The following HSPG2 variants were observed in gnomAD, a reference collection of about 807,000 sequenced individuals.
HSPG2 encodes basement membrane-specific heparan sulfate proteoglycan core protein.
Under a neutral mutation model 526.6 loss-of-function variants are expected in HSPG2, and 278 were observed. That is an observed-to-expected ratio of 0.53 (90% confidence interval 0.48 to 0.58). The LOEUF is 0.58. Ranked by LOEUF, HSPG2 falls within the 20% of genes least tolerant of loss-of-function variation. HSPG2 has a pLI of 0.00. For missense variants in HSPG2, 5,354 were observed against 6,099.5 expected (o/e 0.88, Z 4.07); for synonymous variants, 2,465 against 2,555.4 (o/e 0.96, Z 1.07).
At chr1:21,923,534 C>T (rs1366141842) in intron 1 of HSPG2, among the ~76,000 whole-genome samples, 1 of 152,234 alleles carries the variant, frequency 6.6e-6, no homozygotes. Flanking sequence ...TGGGCCCTCC[C>T]CCTGCCCTCA....
rs10917054 is a variant in HSPG2, at chr1:21,840,149, T to C, written c.9514-132A>G. The C allele has an allele frequency of 0.017, 12,449 of 736,776 alleles. 1,031 individuals are homozygous for C. In the African/African-American group the frequency reaches 0.19, roughly 11 times the overall value. The allele number at this position is 736,776 out of a possible 1,614,324, so 45.6% of individuals were successfully genotyped here. A position where few individuals can be genotyped will look rare whatever the true frequency, so the allele number is the denominator to read the frequency against. On this transcript the variant is annotated intron_variant, in intron 71 of 96. Transcript: ENST00000374695. ...CTATTTATTTACTTATTTATATATT[T>C]ATTTTTTGAGACAGGGTCTTACTCT...
In HSPG2 at chr1:21,847,061, G is replaced by A. The variant is rs35286527; in HGVS notation, c.8164+293C>T. On this transcript the variant is annotated intron_variant, in intron 62 of 96. Transcript: ENST00000374695. The surrounding 1 kb of genome is among the most constrained non-coding windows in gnomAD (Gnocchi z 4.1). Reference sequence around the variant, plus strand: ...AAAGCACTTCTGGCATGCCAGGCACGCTCTAAGCACATTACATGCACTAAC... The same window carrying A: ...AAAGCACTTCTGGCATGCCAGGCACACTCTAAGCACATTACATGCACTAAC... Among the ~76,000 whole-genome samples the A allele has an allele frequency of 0.041, 6,169 of 152,038 alleles. 180 individuals carry two copies. The highest frequency in any genetic ancestry group is 0.11 in the South Asian group (507 of 4,804).
Position 21,852,769 on chromosome 1 carries a change from G to T in HSPG2, c.6655C>A (p.His2219Asn). ...AGGGGGCCGGAGGTGCCCACCACAT[G>T]GCACACATACTCGCCTGAGTCGGCC... The part of the protein sequence containing the change: ...TPADSGEYVC[H>N]VVGTSGPLEA... Residue 2219 changes from histidine (H) to asparagine (N), a missense_variant, in exon 52 of 97, where the codon CAT becomes AAT. Transcript: ENST00000374695. The T allele has an allele frequency of 6.2e-7, 1 of 1,613,324 alleles. No individual in the cohort carries two copies. Among genetic ancestry groups the T allele is most frequent in the Non-Finnish European group, 8.5e-7 (1 of 1,180,008 alleles).
chr1:21,860,202 C>T lies in HSPG2; in HGVS notation c.4989G>A (p.Val1663=). The change falls in exon 40 of 97, where the codon GTG becomes GTA. Residue 1663 remains valine, a synonymous_variant. Coordinates refer to ENST00000374695, the MANE Select transcript of HSPG2 (RefSeq NM_005529.7). ...TCTCTGGCAGGCACTGGCCCCCTTG[C>T]ACACTGGGGTTACCCACGTAACCTG... ...CGPGYVGNPS[V]QGGQCLPETN... 1.2e-6 allele frequency: 2 copies of T among 1,613,812 alleles called. No homozygotes were observed. The highest frequency in any genetic ancestry group is 1.7e-6 in the Non-Finnish European group (2 of 1,179,966).
Position 21,859,565 on chromosome 1 carries a change from C to A in HSPG2, c.5293+1G>T. ...TGGTTACAGGGGGCGTAGGGACTCA[C>A]CAGTGACCAGCAGCTCTGCCCGGCT... is the stretch of plus-strand genomic sequence containing the variant. On this transcript the variant is annotated splice_donor_variant, in intron 42 of 96. Coordinates refer to ENST00000374695, the MANE Select transcript of HSPG2 (RefSeq NM_005529.7). LOFTEE classifies it high-confidence loss of function. The surrounding 1 kb of genome is among the most constrained non-coding windows in gnomAD (Gnocchi z 5.3). The A allele has an allele frequency of 6.3e-7, 1 of 1,586,954 alleles. No homozygotes were observed. Among genetic ancestry groups the A allele is most frequent in the Non-Finnish European group, 8.6e-7 (1 of 1,165,516 alleles).
chr1:21,898,809 G>A lies in HSPG2; in HGVS notation c.64-2499C>T, dbSNP rs1336181300. ...CCCCTCTCATTGCAACCAAGGTTAT[G>A]GAGGGCATGCCTGGAGCACTGCGAC... is the stretch of plus-strand genomic sequence containing the variant. On this transcript the variant is annotated intron_variant, in intron 1 of 96. Coordinates refer to ENST00000374695, the MANE Select transcript of HSPG2 (RefSeq NM_005529.7). The surrounding 1 kb of genome is among the most constrained non-coding windows in gnomAD (Gnocchi z 4.0). 6.6e-6 allele frequency among the ~76,000 whole-genome samples: 1 copy of A among 152,224 alleles called. No individual in the cohort carries two copies. Among genetic ancestry groups the A allele is most frequent in the Non-Finnish European group, 1.5e-5 (1 of 68,032 alleles).
intron 91 of HSPG2, among the ~76,000 whole-genome samples, chr1:21,827,531 G>A (rs1368503949): frequency 6.6e-6 from 1 of 152,164 alleles, no homozygotes; most frequent in Non-Finnish European, 1.5e-5. Context: ...TTCAGTAGAC[G>A]GTGGAATTCT....
At chr1:21,877,270 C>A (rs1021825374) in intron 21 of HSPG2, among the ~76,000 whole-genome samples, 1 of 151,992 alleles carries the variant, frequency 6.6e-6, no homozygotes, top group East Asian at 1.9e-4. Context: ...GAGTGTTTCA[C>A]GCACTGTTCT....
At chr1:21,876,958 C>G (rs1208555967) in intron 21 of HSPG2, among the ~76,000 whole-genome samples, 1 of 149,134 alleles carries the variant, frequency 6.7e-6, no homozygotes, top group Non-Finnish European at 1.5e-5. Flanking sequence ...ACTCAGGAGG[C>G]TGAGGAAGGA....
Position 21,855,316 on chromosome 1 carries a change from G to T in HSPG2, c.5985C>A (p.Ser1995Arg). Residue 1995 changes from serine (S) to arginine (R), a missense_variant, in exon 47 of 97, where the codon AGC becomes AGA. By Grantham distance (110) the Ser-to-Arg change is moderately radical (BLOSUM62 -1). Transcript: ENST00000374695. ...ATITWRKEGG[S>R]LPPQARSERT... ...CCCATCTCCTCACCTGTGGTGGGAG[G>T]CTGCCCCCTTCCTTCCTCCAGGTGA... is the stretch of plus-strand genomic sequence containing the variant. 1 of 1,604,968 alleles carries T rather than the reference G, an allele frequency of 6.2e-7. No individual in the cohort carries two copies. The highest frequency in any genetic ancestry group is 8.5e-7 in the Non-Finnish European group (1 of 1,176,844).
Position 21,839,053 on chromosome 1 carries a change from C to T in HSPG2, c.9922G>A (p.Ala3308Thr), listed in dbSNP as rs553902574. Residue 3308 changes from alanine to threonine, a missense_variant, in exon 74 of 97, where the codon GCT becomes ACT. By Grantham distance (58) the Ala-to-Thr change is moderately conservative (BLOSUM62 0). Transcript: ENST00000374695. This position sits in a 1 kb window ranked among gnomAD's most constrained non-coding sequence, Gnocchi z 4.5. ...PPYATTVPEH[A>T]SVQAGETVQL... ...ACCGTCTCCCCTGCCTGCACCGAAG[C>T]GTGCTCTGGGACCGTGGTGGCATAT... 1.9e-5 allele frequency: 30 copies of T among 1,593,422 alleles called. 1 individual carries two copies. In the South Asian group the frequency reaches 2.3e-4, roughly 12 times the overall value.
In HSPG2 at chr1:21,848,854, C is replaced by A. The variant is rs767649518; in HGVS notation, c.7585+39G>T. On this transcript the variant is annotated intron_variant, in intron 58 of 96. Coordinates refer to ENST00000374695, the MANE Select transcript of HSPG2 (RefSeq NM_005529.7). This position sits in a 1 kb window ranked among gnomAD's most constrained non-coding sequence, Gnocchi z 4.9. Reference sequence around the variant, plus strand: ...CTGCTGAGGGTGCAGTCGGGGTCCCCCAGCCCTCCACCATTTGCATGACCC... The same window carrying A: ...CTGCTGAGGGTGCAGTCGGGGTCCCACAGCCCTCCACCATTTGCATGACCC... 16 of 1,613,180 alleles carry A rather than the reference C, an allele frequency of 9.9e-6. No homozygotes were observed. In the South Asian group the frequency reaches 1.8e-4, roughly 18 times the overall value.
intron 80 of HSPG2, 70 bp downstream of exon 80, chr1:21,833,198 T>C: frequency 2.4e-6 from 3 of 1,261,624 alleles, no homozygotes; most frequent in Non-Finnish European, 2.3e-6. Context: ...GCTCCTGCCA[T>C]GATGGCAGTT....
At chr1:21,863,371 G>GA (rs538927618) in intron 37 of HSPG2, among the ~76,000 whole-genome samples, 1,756 of 146,322 alleles carry the variant, frequency 0.012, 16 homozygotes, top group South Asian at 0.026. Context: ...AGACTGTCTT[G>GA]AAAAAAAAAA....
intron 1 of HSPG2, among the ~76,000 whole-genome samples, chr1:21,916,365 C>T (rs1002051402): frequency 4.6e-5 from 7 of 152,140 alleles, no homozygotes; most frequent in South Asian, 4.1e-4. Flanking sequence ...ATTAGTCAGG[C>T]GTGGTGGCGT....
At chr1:21,913,296 G>A (rs1279917480) in intron 1 of HSPG2, among the ~76,000 whole-genome samples, 1 of 152,136 alleles carries the variant, frequency 6.6e-6, no homozygotes, top group Non-Finnish European at 1.5e-5. Flanking sequence ...CCCAGAGCTG[G>A]TCCCTCCAGC....
At chr1:21,907,174 G>A (rs1038437673) in intron 1 of HSPG2, among the ~76,000 whole-genome samples, 3 of 152,286 alleles carry the variant, frequency 2.0e-5, no homozygotes, top group East Asian at 1.9e-4. Context: ...TTCCTGGTCC[G>A]CTTGGACCCT....
At chr1:21,935,047 C>A (rs1013770728) in intron 1 of HSPG2, among the ~76,000 whole-genome samples, 2 of 151,996 alleles carry the variant, frequency 1.3e-5, no homozygotes, top group Admixed American at 6.6e-5. Context: ...GTTGGGATTA[C>A]AAGCATGCGC....
chr1:21,921,901 C>T (rs1644049097), intron 1 of HSPG2, among the ~76,000 whole-genome samples: 1 of 152,174 alleles, frequency 6.6e-6, no homozygotes, highest in South Asian at 2.1e-4. Context: ...TCCTTCCCAC[C>T]TTGCTCCCCT....
Sources: gnomAD v4.1 joint callset for allele counts (sites outside exome capture counted in the v4.1 genomes callset) on GRCh38, gnomAD v4.1.1 for gene constraint, Gnocchi (gnomAD v3.1) non-coding constraint, MANE v1.5 for transcripts, NCBI Gene and HGNC (gene_info 2026-07-23, HGNC 2026-07-21) for gene names.